Variants in ADGRL3 observed in about 807,000 individuals in gnomAD.
ADGRL3 encodes the protein adhesion G protein-coupled receptor L3.
ADGRL3 carries 62 observed loss-of-function variants against 153.5 expected under a neutral mutation model. The observed-to-expected ratio is 0.40, with a 90% CI of 0.33 to 0.50. ADGRL3 has a LOEUF of 0.50. Among genes scored for constraint, ADGRL3 ranks in the 20% least tolerant of loss-of-function variants. The pLI is 0.47. For missense variants in ADGRL3, 1,641 were observed against 1,859.4 expected (o/e 0.88, Z 2.16); for synonymous variants, 710 against 672.5 (o/e 1.06, Z -0.86).
chr4:61,953,364 A>G (rs1175894716), intron 17 of ADGRL3, among the ~76,000 whole-genome samples: 4 of 152,218 alleles, frequency 2.6e-5, no homozygotes, highest in Admixed American at 6.5e-5. Context: ...ATCCTGATGC[A>G]TCCTTCTCCA....
At chr4:61,462,932 C>G (rs1351411513) in intron 2 of ADGRL3, among the ~76,000 whole-genome samples, 1 of 152,076 alleles carries the variant, frequency 6.6e-6, no homozygotes, top group Non-Finnish European at 1.5e-5. Flanking sequence ...TTCAACAGCC[C>G]AGTGCTCAGA....
chr4:61,884,112 A>C (rs2098523687), intron 9 of ADGRL3, among the ~76,000 whole-genome samples: 1 of 152,210 alleles, frequency 6.6e-6, no homozygotes, highest in African/African-American at 2.4e-5. Flanking sequence ...TAGTTGATTA[A>C]TAAATATGGA....
chr4:61,635,042 G>A (rs761572767), intron 5 of ADGRL3, among the ~76,000 whole-genome samples: 5 of 152,210 alleles, frequency 3.3e-5, no homozygotes, highest in South Asian at 2.1e-4. Flanking sequence ...AGGAGCAGGC[G>A]TACTGAGTCT....
chr4:61,909,867 A>G (rs1271330048), intron 12 of ADGRL3, 122 bp downstream of exon 12: 2 of 644,750 alleles, frequency 3.1e-6, no homozygotes, highest in Admixed American at 6.8e-5. Context: ...ACAGAATATG[A>G]TCATTATAAA....
At chr4:61,241,397 T>C (rs1338387104) in intron 1 of ADGRL3, among the ~76,000 whole-genome samples, 2 of 151,984 alleles carry the variant, frequency 1.3e-5, no homozygotes, top group Non-Finnish European at 2.9e-5. Flanking sequence ...ATCAGGAAAT[T>C]GGGCACCATG....
chr4:61,554,257 A>T (rs2098754881), intron 4 of ADGRL3, among the ~76,000 whole-genome samples: 1 of 151,218 alleles, frequency 6.6e-6, no homozygotes, highest in Non-Finnish European at 1.5e-5. Flanking sequence ...GCAGTGGCGC[A>T]TTCTTGGCTC....
intron 4 of ADGRL3, among the ~76,000 whole-genome samples, chr4:61,525,540 A>G (rs1232294214): frequency 6.6e-6 from 1 of 152,130 alleles, no homozygotes; most frequent in Non-Finnish European, 1.5e-5. Flanking sequence ...TTAGAGTTGC[A>G]GTTTAGAACC....
At position 61,278,431 on chromosome 4, in the gene ADGRL3, G is replaced by T. The variant is rs562254982; in HGVS notation, c.-240+76666G>T. Among the ~76,000 whole-genome samples, 29 of 152,290 alleles carry T rather than the reference G, an allele frequency of 1.9e-4. No homozygotes were observed. In the South Asian group the frequency reaches 5.8e-3, roughly 30 times the overall value. Reference sequence around the variant, plus strand: ...TATGCTATTTCTAGTAGTAGTCTCAGTGTTGAAAATCAGAAACATGACATC... The same window carrying T: ...TATGCTATTTCTAGTAGTAGTCTCATTGTTGAAAATCAGAAACATGACATC... On this transcript the variant is annotated intron_variant, in intron 1 of 26. Coordinates refer to ENST00000683033, the MANE Select transcript of ADGRL3 (RefSeq NM_001387552.1).
intron 2 of ADGRL3, among the ~76,000 whole-genome samples, chr4:61,426,568 C>T (rs1310797612): frequency 5.3e-5 from 3 of 56,960 alleles, no homozygotes; most frequent in African/African-American, 9.7e-5. Flanking sequence ...TTCCCATAGA[C>T]GAGGCTACAC....
intron 2 of ADGRL3, among the ~76,000 whole-genome samples, chr4:61,406,481 C>T (rs1231471113): frequency 8.0e-6 from 1 of 125,478 alleles, no homozygotes; most frequent in Non-Finnish European, 1.8e-5. Context: ...TGTCTTTCTC[C>T]ATTGAACATG....
chr4:61,721,146 T>C (rs1284799638), intron 6 of ADGRL3, among the ~76,000 whole-genome samples: 2 of 152,146 alleles, frequency 1.3e-5, no homozygotes, highest in Non-Finnish European at 2.9e-5. Context: ...TAAGGTTCTC[T>C]AGAGGGACAG....
At chr4:61,689,136 G>A (rs927123166) in intron 6 of ADGRL3, among the ~76,000 whole-genome samples, 20 of 152,014 alleles carry the variant, frequency 1.3e-4, no homozygotes, top group African/African-American at 4.8e-4. Context: ...TTGATATGCT[G>A]GTACTGACAA....
intron 2 of ADGRL3, among the ~76,000 whole-genome samples, chr4:61,415,165 A>AT (rs1449102139): frequency 6.6e-6 from 1 of 151,910 alleles, no homozygotes; most frequent in Non-Finnish European, 1.5e-5. Flanking sequence ...AGGAATGTCT[A>AT]TTTTTGGCCT....
At chr4:61,310,049 G>T (rs1399301320) in intron 1 of ADGRL3, among the ~76,000 whole-genome samples, 1 of 151,124 alleles carries the variant, frequency 6.6e-6, no homozygotes, top group Non-Finnish European at 1.5e-5. Context: ...AGATATAAAT[G>T]CAATATACTA....
At chr4:61,730,906 A>G (rs1269016705) in intron 7 of ADGRL3, among the ~76,000 whole-genome samples, 1 of 151,860 alleles carries the variant, frequency 6.6e-6, no homozygotes, top group Admixed American at 6.6e-5. Flanking sequence ...ATGGTGATGA[A>G]TAGTGGTTGC....
chr4:61,635,324 A>G (rs889231170), intron 5 of ADGRL3, among the ~76,000 whole-genome samples: 10 of 152,180 alleles, frequency 6.6e-5, no homozygotes, highest in African/African-American at 2.2e-4. Flanking sequence ...GACCCAATGC[A>G]TATCTTCCAT....
chr4:61,497,461 G>T, intron 3 of ADGRL3, 113 bp downstream of exon 3: 2 of 537,670 alleles, frequency 3.7e-6, no homozygotes, highest in South Asian at 2.8e-5. Context: ...CTTATCATAT[G>T]TTAGTATGAG....
intron 24 of ADGRL3, among the ~76,000 whole-genome samples, chr4:62,043,748 A>G (rs1238696290): frequency 2.0e-5 from 3 of 152,058 alleles, no homozygotes; most frequent in Admixed American, 2.0e-4. Flanking sequence ...AAATCCCCCA[A>G]TGGAAAAAGT....
chr4:61,398,063 C>A (rs1056605207), intron 2 of ADGRL3, among the ~76,000 whole-genome samples: 3 of 151,670 alleles, frequency 2.0e-5, no homozygotes, highest in Non-Finnish European at 4.4e-5. Flanking sequence ...AATAATAAAG[C>A]GATATTGGTT....
Sources: allele counts gnomAD v4.1 joint callset (sites outside exome capture counted in the v4.1 genomes callset), GRCh38; gene constraint gnomAD v4.1.1; transcripts MANE v1.5; gene names NCBI Gene and HGNC (gene_info 2026-07-23, HGNC 2026-07-21).